Variants in SIAH3 observed in about 807,000 individuals in gnomAD.
The protein encoded by SIAH3 is siah E3 ubiquitin protein ligase family member 3.
SIAH3 carries 9 observed loss-of-function variants against 12.6 expected under a neutral mutation model. The ratio of observed to expected loss-of-function variants is 0.72; its 90% CI spans 0.43 to 1.25. The LOEUF (loss-of-function observed/expected upper bound fraction) is 1.25. Among genes scored for constraint, SIAH3 ranks in the 50% most tolerant of loss-of-function variants. The pLI is 0.00. For missense variants in SIAH3, 390 were observed against 365.4 expected (o/e 1.07, Z -0.55); for synonymous variants, 154 against 151.1 (o/e 1.02, Z -0.14).
chr13:45,792,305 T>C (rs1289813290), intron 1 of SIAH3, among the ~76,000 whole-genome samples: 1 of 151,942 alleles, frequency 6.6e-6, no homozygotes, highest in Admixed American at 6.6e-5. Context: ...AGGAAGAAAG[T>C]GAGACAGGTT....
intron 1 of SIAH3, among the ~76,000 whole-genome samples, chr13:45,834,683 G>T (rs944977405): frequency 6.6e-6 from 1 of 152,106 alleles, no homozygotes; most frequent in African/African-American, 2.4e-5. Context: ...AGTCAAGCCC[G>T]CAAACCGACC....
intron 1 of SIAH3, among the ~76,000 whole-genome samples, chr13:45,823,604 C>T (rs1950663936): frequency 6.6e-6 from 1 of 152,204 alleles, no homozygotes; most frequent in African/African-American, 2.4e-5. Context: ...TCCATCTATT[C>T]TGTGATTCTC....
At chr13:45,801,291 A>G (rs1186268879) in intron 1 of SIAH3, among the ~76,000 whole-genome samples, 1 of 152,240 alleles carries the variant, frequency 6.6e-6, no homozygotes, top group Non-Finnish European at 1.5e-5. Context: ...GGTCAGAAAC[A>G]ATAGAGGAAC....
At chr13:45,842,037 C>T (rs1298772730) in intron 1 of SIAH3, among the ~76,000 whole-genome samples, 1 of 152,198 alleles carries the variant, frequency 6.6e-6, no homozygotes, top group Admixed American at 6.5e-5. Flanking sequence ...TCACTTCATC[C>T]CCTTGAGCCA....
At chr13:45,840,920 T>C (rs1950737873) in intron 1 of SIAH3, among the ~76,000 whole-genome samples, 1 of 152,206 alleles carries the variant, frequency 6.6e-6, no homozygotes, top group Non-Finnish European at 1.5e-5. Context: ...TTTTTCTGTT[T>C]TGATATTCTG....
At chr13:45,813,872 C>T (rs564568419) in intron 1 of SIAH3, among the ~76,000 whole-genome samples, 2 of 152,218 alleles carry the variant, frequency 1.3e-5, no homozygotes, top group South Asian at 4.2e-4. Flanking sequence ...CCACCTACCT[C>T]CCAAAGCCCC....
Position 45,783,576 on chromosome 13 carries a change from T to C in SIAH3, c.617A>G (p.Asn206Ser), listed in dbSNP as rs749367020. Reference sequence around the variant, plus strand: ...CCACTTGAGGCGCCGATGGTTTCTGTTGAGCTCCAGGCGATAGGTGAAGCA... The same window carrying C: ...CCACTTGAGGCGCCGATGGTTTCTGCTGAGCTCCAGGCGATAGGTGAAGCA... ...ADCFTYRLEL[N>S]RNHRRLKWEA... The change falls in exon 2 of 2, where the codon AAC (asparagine) becomes AGC (serine). Residue 206 changes from asparagine (N) to serine (S), a missense_variant. Transcript: ENST00000400405. 3.1e-6 allele frequency: 5 copies of C among 1,614,048 alleles called. No homozygotes were observed. The highest frequency in any genetic ancestry group is 4.2e-6 in the Non-Finnish European group (5 of 1,180,036).
At chr13:45,841,033 T>TA (rs1356102054) in intron 1 of SIAH3, among the ~76,000 whole-genome samples, 1 of 152,214 alleles carries the variant, frequency 6.6e-6, no homozygotes, top group African/African-American at 2.4e-5. Context: ...GTTACTATCA[T>TA]TATTGTTTTT....
chr13:45,831,228 TA>T, intron 1 of SIAH3, among the ~76,000 whole-genome samples: 2 of 148,192 alleles, frequency 1.3e-5, no homozygotes. Flanking sequence ...ATAAATAAAA[TA>T]AAAAAATGAA....
At chr13:45,789,616 G>A (rs112640987) in intron 1 of SIAH3, among the ~76,000 whole-genome samples, 124 of 152,096 alleles carry the variant, frequency 8.2e-4, no homozygotes, top group African/African-American at 2.8e-3. Context: ...CATGTTGGCC[G>A]GGCTGCTCTT....
intron 1 of SIAH3, among the ~76,000 whole-genome samples, chr13:45,785,712 C>T (rs966140945): frequency 9.2e-5 from 14 of 152,186 alleles, no homozygotes; most frequent in Admixed American, 9.2e-4. Context: ...TGCTGGTTTC[C>T]TCATTCTTCC....
chr13:45,831,319 G>T (rs547141239), intron 1 of SIAH3, among the ~76,000 whole-genome samples: 1 of 152,310 alleles, frequency 6.6e-6, no homozygotes, highest in South Asian at 2.1e-4. Context: ...GGAGAGGCCA[G>T]TGTATGCACC....
intron 1 of SIAH3, among the ~76,000 whole-genome samples, chr13:45,827,930 A>C (rs1028387790): frequency 6.6e-6 from 1 of 152,216 alleles, no homozygotes; most frequent in African/African-American, 2.4e-5. Context: ...CAGTTCCAAC[A>C]GTGCCCCAAT....
At chr13:45,799,616 AGGCCTGGGGGTT>A (rs1289543730) in intron 1 of SIAH3, among the ~76,000 whole-genome samples, 1 of 152,136 alleles carries the variant, frequency 6.6e-6, no homozygotes, top group Non-Finnish European at 1.5e-5. Flanking sequence ...GTCTTTCCCA[AGGCCTGGGGGTT>A]GGTGGTAGTG....
rs183834127 is a variant in SIAH3 at position 45,809,428 on chromosome 13, G to A, written c.136-25371C>T. Among the ~76,000 whole-genome samples the A allele has an allele frequency of 8.3e-4, 127 of 152,296 alleles. 2 individuals are homozygous for A. The highest frequency in any genetic ancestry group is 3.9e-4 in the Admixed American group (6 of 15,298). ...TATGCTGACCAGAGATTGAGAGGCC[G>A]GGCCTCATGGAGAAATTGCCAGGGC... is the stretch of plus-strand genomic sequence containing the variant. On this transcript the variant is annotated intron_variant, in intron 1 of 1. Transcript: ENST00000400405.
At chr13:45,843,796 T>C (rs548818044) in intron 1 of SIAH3, among the ~76,000 whole-genome samples, 4 of 151,290 alleles carry the variant, frequency 2.6e-5, no homozygotes, top group African/African-American at 9.7e-5. Context: ...AGGTGGGGAG[T>C]GTGGGGAGTC....
In SIAH3 at chr13:45,783,663, T is replaced by A; in HGVS notation, c.530A>T (p.His177Leu). 6.2e-7 allele frequency: 1 copy of A among 1,614,150 alleles called. No homozygotes were observed. The highest frequency in any genetic ancestry group is 1.1e-5 in the South Asian group (1 of 91,070). The change falls in exon 2 of 2, where the codon CAT becomes CTT. Residue 177 changes from histidine to leucine, a missense_variant. Coordinates refer to ENST00000400405, the MANE Select transcript of SIAH3 (RefSeq NM_198849.3). ...FLLVLRKQER[H>L]EGHPQFFATM... ...GGCAAAGAACTGGGGGTGCCCTTCA[T>A]GCCTCTCCTGTTTCCTCAGCACCAA...
intron 1 of SIAH3, among the ~76,000 whole-genome samples, chr13:45,815,798 C>T (rs777754806): frequency 2.0e-5 from 3 of 152,196 alleles, no homozygotes; most frequent in African/African-American, 4.8e-5. Context: ...AAATGAGACT[C>T]AAGTCTAGAT....
intron 1 of SIAH3, among the ~76,000 whole-genome samples, chr13:45,828,675 C>T (rs1481752221): frequency 6.6e-6 from 1 of 152,184 alleles, no homozygotes; most frequent in Admixed American, 6.5e-5. Context: ...GCACCCAGGA[C>T]CAAGCCTCTT....
Sources: gnomAD v4.1 joint callset for allele counts (sites outside exome capture counted in the v4.1 genomes callset) on GRCh38, gnomAD v4.1.1 for gene constraint, MANE v1.5 for transcripts, NCBI Gene and HGNC (gene_info 2026-07-23, HGNC 2026-07-21) for gene names.